PRKD1: variants seen among roughly 807,000 people sequenced by gnomAD.
PRKD1 encodes protein kinase D1, also known as serine/threonine-protein kinase D1.
A neutral mutation model predicts 95.9 loss-of-function variants in PRKD1; 63 were observed. The ratio of observed to expected loss-of-function variants is 0.66; its 90% CI spans 0.54 to 0.81. PRKD1 has a LOEUF of 0.81. PRKD1 is among the 30% of genes least tolerant of loss of function. The pLI, the probability that PRKD1 is intolerant of heterozygous loss-of-function variation, is 0.00. For synonymous variants in PRKD1, 425 were observed against 423.1 expected, an observed-to-expected ratio of 1.00 and a Z score of -0.05; for missense variants, 1,048 against 1,165.3, an observed-to-expected ratio of 0.90 and a Z score of 1.47.
In PRKD1 at chr14:29,927,555, G is replaced by C; in HGVS notation, c.-43C>G. On this transcript the variant is annotated 5_prime_UTR_variant, in exon 1 of 18. Coordinates refer to ENST00000331968, the MANE Select transcript of PRKD1 (RefSeq NM_002742.3). ...GGCCGGGCAGCGGAGGGCGGGGGCT[G>C]GCGGCGCGGCAGCAGGAAAGTTTTG... The C allele has an allele frequency of 2.7e-6, 3 of 1,127,834 alleles. No individual in the cohort carries two copies. Among genetic ancestry groups the C allele is most frequent in the Non-Finnish European group, 3.3e-6 (3 of 921,904 alleles). The allele number at this position is 1,127,834 out of a possible 1,614,324, so 69.9% of individuals were successfully genotyped here.
intron 2 of PRKD1, among the ~76,000 whole-genome samples, chr14:29,724,365 T>A (rs1280350107): frequency 6.6e-6 from 1 of 152,184 alleles, no homozygotes; most frequent in African/African-American, 2.4e-5. Flanking sequence ...AGTGCATGAT[T>A]TCCCTGAATA....
intron 9 of PRKD1, among the ~76,000 whole-genome samples, chr14:29,632,540 T>C (rs959267844): frequency 1.3e-5 from 2 of 152,100 alleles, no homozygotes; most frequent in African/African-American, 2.4e-5. Context: ...GGAGTTTACT[T>C]TGAGCTGATC....
chr14:29,703,216 A>T (rs1884925589), intron 2 of PRKD1, among the ~76,000 whole-genome samples: 1 of 152,190 alleles, frequency 6.6e-6, no homozygotes. Flanking sequence ...ATGCAAAAAC[A>T]GTGGTAACAT....
At chr14:29,782,642 C>T (rs979421394) in intron 1 of PRKD1, among the ~76,000 whole-genome samples, 3 of 151,962 alleles carry the variant, frequency 2.0e-5, no homozygotes, top group African/African-American at 7.3e-5. Context: ...GAGTTCTTCC[C>T]GCCTCAACCT....
chr14:29,737,048 C>T (rs950024120), intron 1 of PRKD1, among the ~76,000 whole-genome samples: 2 of 151,992 alleles, frequency 1.3e-5, no homozygotes, highest in Admixed American at 6.6e-5. Flanking sequence ...CTCGGCCGGG[C>T]GCGGTGGCTC....
intron 1 of PRKD1, among the ~76,000 whole-genome samples, chr14:29,771,797 C>G (rs1482836556): frequency 1.3e-5 from 2 of 152,210 alleles, no homozygotes; most frequent in Non-Finnish European, 2.9e-5. Flanking sequence ...AACCCTCACC[C>G]CAGTGTGCTG....
At chr14:29,927,107 G>C in intron 1 of PRKD1, 142 bp downstream of exon 1, 2 of 886,132 alleles carry the variant, frequency 2.3e-6, no homozygotes, top group Non-Finnish European at 2.9e-6. Context: ...AGCCGCGGCG[G>C]GGCCAGCCGC....
intron 1 of PRKD1, among the ~76,000 whole-genome samples, chr14:29,871,255 A>G (rs1302586486): frequency 6.6e-6 from 1 of 152,244 alleles, no homozygotes; most frequent in East Asian, 1.9e-4. Context: ...AGGAAATTAA[A>G]TGAGAATAGA....
At chr14:29,802,890 C>T (rs1890092530) in intron 1 of PRKD1, among the ~76,000 whole-genome samples, 1 of 152,196 alleles carries the variant, frequency 6.6e-6, no homozygotes, top group Non-Finnish European at 1.5e-5. Flanking sequence ...TATACAGGCA[C>T]TCCAGTCCAT....
intron 1 of PRKD1, among the ~76,000 whole-genome samples, chr14:29,857,391 A>G (rs1892546611): frequency 6.6e-6 from 1 of 152,118 alleles, no homozygotes; most frequent in Non-Finnish European, 1.5e-5. Flanking sequence ...TTTTTCATGG[A>G]AGGAAGAGAA....
intron 1 of PRKD1, among the ~76,000 whole-genome samples, chr14:29,911,475 C>T (rs1894711757): frequency 6.6e-6 from 1 of 152,100 alleles, no homozygotes; most frequent in African/African-American, 2.4e-5. Context: ...ATAAAACTAT[C>T]CCCAAGGGCA....
intron 2 of PRKD1, among the ~76,000 whole-genome samples, chr14:29,705,970 G>A (rs1167979137): frequency 6.6e-6 from 1 of 151,940 alleles, no homozygotes; most frequent in Non-Finnish European, 1.5e-5. Flanking sequence ...TCAATTCTTT[G>A]GGGTATAAAC....
At chr14:29,657,927 T>G (rs1268254198) in intron 4 of PRKD1, 1 of 152,136 alleles carries the variant, frequency 6.6e-6, no homozygotes, top group East Asian at 1.9e-4. Flanking sequence ...CATTTCTGGA[T>G]TGACATAAAG....
chr14:29,591,254 T>A (rs1893116994), intron 16 of PRKD1: 1 of 152,202 alleles, frequency 6.6e-6, no homozygotes, highest in African/African-American at 2.4e-5. Context: ...TGGCAATCTG[T>A]AACATGAACA....
At chr14:29,688,333 A>G (rs1469557593) in intron 2 of PRKD1, among the ~76,000 whole-genome samples, 8 of 151,964 alleles carry the variant, frequency 5.3e-5, no homozygotes, top group Admixed American at 5.2e-4. Flanking sequence ...CTCTTTTTTC[A>G]TATACCCTGA....
intron 1 of PRKD1, among the ~76,000 whole-genome samples, chr14:29,825,102 A>C (rs1323119736): frequency 6.6e-6 from 1 of 152,152 alleles, no homozygotes; most frequent in Non-Finnish European, 1.5e-5. Flanking sequence ...TTCAAAATCT[A>C]GTGAACCGCC....
intron 1 of PRKD1, among the ~76,000 whole-genome samples, chr14:29,735,090 G>C (rs986761473): frequency 7.2e-5 from 11 of 152,122 alleles, no homozygotes; most frequent in Non-Finnish European, 1.3e-4. Flanking sequence ...AAGAGGGCAT[G>C]TCTCAAACCA....
chr14:29,755,619 A>G (rs1444873455), intron 1 of PRKD1, among the ~76,000 whole-genome samples: 1 of 152,080 alleles, frequency 6.6e-6, no homozygotes, highest in Non-Finnish European at 1.5e-5. Context: ...GGATTTCTAA[A>G]ACTTTGCTCC....
chr14:29,645,856 C>A (rs546979729), intron 4 of PRKD1, among the ~76,000 whole-genome samples: 12 of 152,180 alleles, frequency 7.9e-5, no homozygotes, highest in African/African-American at 2.9e-4. Context: ...TTATTGCTTA[C>A]CCCCACTCCT....
Sources: allele counts gnomAD v4.1 joint callset (sites outside exome capture counted in the v4.1 genomes callset), GRCh38; gene constraint gnomAD v4.1.1; transcripts MANE v1.5; gene names NCBI Gene and HGNC (gene_info 2026-07-23, HGNC 2026-07-21).